Variants in RABGAP1L observed in about 807,000 individuals in gnomAD.
RABGAP1L encodes RAB GTPase activating protein 1 like.
In RABGAP1L, 63 loss-of-function variants were observed where a neutral mutation model predicts 137.7. The ratio of observed to expected loss-of-function variants is 0.46; its 90% CI spans 0.37 to 0.56. The LOEUF (loss-of-function observed/expected upper bound fraction) is 0.56, where lower values mean the gene tolerates loss of function less well. RABGAP1L is among the 20% of genes least tolerant of loss of function. The probability of loss-of-function intolerance (pLI) is 0.00; values close to 1 mark genes in which losing one functional copy is unlikely to be tolerated. For missense variants in RABGAP1L, 1,095 were observed against 1,244.0 expected (o/e 0.88, Z 1.80); for synonymous variants, 431 against 433.7 (o/e 0.99, Z 0.08).
chr1:174,546,926 A>T (rs958707757), intron 13 of RABGAP1L, among the ~76,000 whole-genome samples: 2 of 142,448 alleles, frequency 1.4e-5, no homozygotes, highest in Admixed American at 7.3e-5. Flanking sequence ...GCTACTTGGG[A>T]GGCTGAGGCA....
chr1:174,629,640 A>G (rs1433862089), intron 13 of RABGAP1L, among the ~76,000 whole-genome samples: 1 of 152,064 alleles, frequency 6.6e-6, no homozygotes, highest in Non-Finnish European at 1.5e-5. Context: ...CTCCTGCCTC[A>G]GCCTCCTGAG....
chr1:174,429,359 A>G (rs902327968), intron 13 of RABGAP1L, among the ~76,000 whole-genome samples: 6 of 151,944 alleles, frequency 3.9e-5, no homozygotes, highest in Admixed American at 1.3e-4. Context: ...TCCCTAACCA[A>G]CAAGCCCCTT....
Position 174,582,705 on chromosome 1 carries a change from G to C in RABGAP1L, c.1711-54670G>C, listed in dbSNP as rs1209638577. On this transcript the variant is annotated intron_variant, in intron 13 of 25. Coordinates refer to ENST00000681986, the MANE Select transcript of RABGAP1L (RefSeq NM_001366446.1). ...GTAACCTTAATGAGCAGTTTCAGTG[G>C]AGTGTTGAGGGTATAATCTAGAAGG... Among the ~76,000 whole-genome samples the C allele has an allele frequency of 2.0e-5, 3 of 152,200 alleles. No homozygotes were observed. The South Asian group carries it at 6.2e-4, about 32-fold the overall frequency.
Position 174,962,207 on chromosome 1 carries a change from A to T in RABGAP1L, c.2433+4658A>T, listed in dbSNP as rs12070453. 5.0e-5 allele frequency among the ~76,000 whole-genome samples: 4 copies of T among 79,764 alleles called. 1 individual carries two copies. The highest frequency in any genetic ancestry group is 2.4e-4 in the African/African-American group (4 of 16,840). 52.3% of individuals were successfully genotyped at this position (79,764 alleles called of 152,430 possible). On this transcript the variant is annotated intron_variant, in intron 20 of 25. Coordinates refer to ENST00000681986, the MANE Select transcript of RABGAP1L (RefSeq NM_001366446.1). The stretch of plus-strand genomic sequence containing the variant: ...AAAAATAAAAATACACCCCCCCCCC[A>T]CACACACACACAGCTAGTTAATTAA...
At chr1:174,261,170 A>G (rs1673550512) in intron 7 of RABGAP1L, among the ~76,000 whole-genome samples, 2 of 152,134 alleles carry the variant, frequency 1.3e-5, no homozygotes, top group Non-Finnish European at 2.9e-5. Context: ...CAAGCAGAAT[A>G]TAATGATTAG....
intron 17 of RABGAP1L, among the ~76,000 whole-genome samples, chr1:174,737,336 C>T (rs1204798290): frequency 2.0e-5 from 3 of 152,154 alleles, no homozygotes; most frequent in Non-Finnish European, 4.4e-5. Context: ...CCACAAATCC[C>T]TAGGACTCAG....
rs1055535280 is a variant in RABGAP1L at position 174,304,854 on chromosome 1, T to A, written c.1324-132T>A. 7 of 779,370 alleles carry A rather than the reference T, an allele frequency of 9.0e-6. No individual in the cohort carries two copies. The South Asian group carries it at 9.6e-5, about 11-fold the overall frequency. The allele number at this position is 779,370 out of a possible 1,614,324, so 48.3% of individuals were successfully genotyped here. Reference sequence around the variant, plus strand: ...GTGCACCTTAAAAGTTTTCAGAACCTCAGACATGCTGTAGATCAAACACAA... The same window carrying A: ...GTGCACCTTAAAAGTTTTCAGAACCACAGACATGCTGTAGATCAAACACAA... On this transcript the variant is annotated intron_variant, in intron 10 of 25. Coordinates refer to ENST00000681986, the MANE Select transcript of RABGAP1L (RefSeq NM_001366446.1).
chr1:174,255,014 T>C (rs1484368684), intron 7 of RABGAP1L, among the ~76,000 whole-genome samples: 1 of 152,256 alleles, frequency 6.6e-6, no homozygotes, highest in Non-Finnish European at 1.5e-5. Flanking sequence ...TTCTTGACTT[T>C]TTAATGATTG....
intron 13 of RABGAP1L, among the ~76,000 whole-genome samples, chr1:174,439,339 GT>G (rs758268229): frequency 6.6e-6 from 1 of 152,064 alleles, no homozygotes; most frequent in East Asian, 1.9e-4. Flanking sequence ...ACATGAAATT[GT>G]TTTCTGCTCT....
intron 13 of RABGAP1L, among the ~76,000 whole-genome samples, chr1:174,601,119 C>T (rs1451795260): frequency 1.3e-5 from 2 of 152,204 alleles, no homozygotes; most frequent in East Asian, 3.9e-4. Context: ...TCTGAAGCCA[C>T]AGCCTGAGCT....
intron 13 of RABGAP1L, among the ~76,000 whole-genome samples, chr1:174,417,443 T>C (rs1650733332): frequency 6.6e-6 from 1 of 152,304 alleles, no homozygotes; most frequent in East Asian, 1.9e-4. Flanking sequence ...TGCCTTTTAA[T>C]AGGTAGATGC....
intron 18 of RABGAP1L, among the ~76,000 whole-genome samples, chr1:174,794,174 A>G (rs1335768683): frequency 6.6e-6 from 1 of 152,172 alleles, no homozygotes; most frequent in African/African-American, 2.4e-5. Flanking sequence ...AAGAATAGCT[A>G]GAGAATTAGG....
At chr1:174,492,882 G>A (rs1660397606) in intron 13 of RABGAP1L, among the ~76,000 whole-genome samples, 1 of 151,774 alleles carries the variant, frequency 6.6e-6, no homozygotes, top group South Asian at 2.1e-4. Flanking sequence ...TCTTCCATAT[G>A]TATAAGCAGG....
At chr1:174,457,744 C>T (rs1474805870) in intron 13 of RABGAP1L, among the ~76,000 whole-genome samples, 1 of 152,096 alleles carries the variant, frequency 6.6e-6, no homozygotes, top group Non-Finnish European at 1.5e-5. Flanking sequence ...CTCAAGTGAT[C>T]CACCTGCCCT....
At chr1:174,814,046 T>C (rs1253249319) in intron 19 of RABGAP1L, among the ~76,000 whole-genome samples, 1 of 152,160 alleles carries the variant, frequency 6.6e-6, no homozygotes, top group African/African-American at 2.4e-5. Context: ...ACATGAAATG[T>C]ATAGGGAAAA....
At chr1:174,366,556 G>A (rs1409113095) in intron 11 of RABGAP1L, among the ~76,000 whole-genome samples, 1 of 151,954 alleles carries the variant, frequency 6.6e-6, no homozygotes, top group Non-Finnish European at 1.5e-5. Flanking sequence ...GATCACTTGA[G>A]GTCAGGAGTT....
At chr1:174,195,616 T>TCTTTCTTTCTTCCTTCCTTC (rs1234228992) in intron 1 of RABGAP1L, among the ~76,000 whole-genome samples, 11 of 57,670 alleles carry the variant, frequency 1.9e-4, no homozygotes, top group Admixed American at 7.0e-4. Flanking sequence ...TTTCTTTCTT[T>TCTTTCTTTCTTCCTTCCTTC]CTTCCTTCCT....
At chr1:174,793,787 C>G (rs746890821) in intron 18 of RABGAP1L, among the ~76,000 whole-genome samples, 114 of 152,122 alleles carry the variant, frequency 7.5e-4, no homozygotes, top group Admixed American at 1.2e-3. Flanking sequence ...CCTCTGCCTC[C>G]CAGGTTCAAG....
intron 14 of RABGAP1L, among the ~76,000 whole-genome samples, chr1:174,647,081 T>G (rs968914714): frequency 2.0e-5 from 3 of 152,200 alleles, no homozygotes; most frequent in African/African-American, 7.2e-5. Flanking sequence ...TTGCTGAAGG[T>G]GCTTAGCAGC....
Sources: allele counts gnomAD v4.1 joint callset (sites outside exome capture counted in the v4.1 genomes callset), GRCh38; gene constraint gnomAD v4.1.1; transcripts MANE v1.5; gene names NCBI Gene and HGNC (gene_info 2026-07-23, HGNC 2026-07-21).